The following LYRM7 variants were observed in gnomAD, a reference collection of about 807,000 sequenced individuals.
LYRM7 encodes the protein LYR motif containing 7, also known as complex III assembly factor LYRM7.
A neutral mutation model predicts 15.8 loss-of-function variants in LYRM7; 9 were observed. The observed-to-expected ratio is 0.57, with a 90% confidence interval of 0.34 to 0.99. LYRM7 has a LOEUF of 0.99. Ranked by LOEUF, LYRM7 falls within the 50% of genes least tolerant of loss-of-function variation. The pLI, the probability that LYRM7 is intolerant of heterozygous loss-of-function variation, is 0.02. For missense variants in LYRM7, 115 were observed against 119.1 expected (o/e 0.97, Z 0.16); for synonymous variants, 39 against 39.4 (o/e 0.99, Z 0.04).
rs12656976 is a variant in LYRM7, at chr5:131,181,373, G to A, written c.92-856G>A. Reference sequence around the variant, plus strand: ...GTTATATATATATTAACATATATATGTATATATAATATATACATATATATT... The same window carrying A: ...GTTATATATATATTAACATATATATATATATATAATATATACATATATATT... On this transcript the variant is annotated intron_variant, in intron 2 of 4. Coordinates refer to ENST00000379380, the MANE Select transcript of LYRM7 (RefSeq NM_181705.4). 7.6e-3 allele frequency among the ~76,000 whole-genome samples: 611 copies of A among 80,048 alleles called. 5 individuals are homozygous for A. Among genetic ancestry groups the A allele is most frequent in the Non-Finnish European group, 0.011 (521 of 47,614 alleles). 52.5% of individuals were successfully genotyped at this position (80,048 alleles called of 152,430 possible).
Position 131,205,305 on chromosome 5 carries a change from T to A in LYRM7, c.*5704T>A, listed in dbSNP as rs1038123274. The A allele has an allele frequency of 1.3e-5, 2 of 152,248 alleles. No homozygotes were observed. The highest frequency in any genetic ancestry group is 6.5e-5 in the Admixed American group (1 of 15,286). 9.4% of individuals were successfully genotyped at this position (152,248 alleles called of 1,614,324 possible). On this transcript the variant is annotated 3_prime_UTR_variant, in exon 5 of 5. Transcript: ENST00000379380. ...TGTAAATGAATGGCGTTATGCTCCA[T>A]GTATTCTGCAACTTTTCATCATACA...
Position 131,201,432 on chromosome 5 carries a change from C to T in LYRM7, c.*1831C>T, listed in dbSNP as rs561851442. The T allele has an allele frequency of 2.4e-3, 363 of 151,548 alleles. No homozygotes were observed. Among genetic ancestry groups the T allele is most frequent in the Non-Finnish European group, 4.2e-3 (284 of 68,008 alleles). The allele number at this position is 151,548 out of a possible 1,614,324, so 9.4% of individuals were successfully genotyped here. On this transcript the variant is annotated 3_prime_UTR_variant, in exon 5 of 5. Transcript: ENST00000379380. The stretch of plus-strand genomic sequence containing the variant: ...CTACACAATAAAGTTCCTGAAAGTT[C>T]CTGGCTGGGCGCAGTGGCTCACGCC...
At chr5:131,197,329 A>G (rs1349341311) in intron 4 of LYRM7, among the ~76,000 whole-genome samples, 1 of 152,246 alleles carries the variant, frequency 6.6e-6, no homozygotes, top group Non-Finnish European at 1.5e-5. Context: ...ACTACAATTT[A>G]TTCTCTGATG....
intron 3 of LYRM7, among the ~76,000 whole-genome samples, chr5:131,184,648 G>C (rs1003182041): frequency 5.7e-4 from 85 of 150,122 alleles, no homozygotes; most frequent in Non-Finnish European, 9.3e-4. Flanking sequence ...GGCGGGGGGG[G>C]GGTTCCAGGA....
chr5:131,181,417 T>TATATATATAAAACATATG, intron 2 of LYRM7, among the ~76,000 whole-genome samples: 1 of 106,190 alleles, frequency 9.4e-6, no homozygotes, highest in African/African-American at 5.3e-5. Flanking sequence ...ATATATATGT[T>TATATATATAAAACATATG]TATATATATA....
chr5:131,191,163 G>GTA (rs533210049), intron 4 of LYRM7, among the ~76,000 whole-genome samples: 2 of 151,226 alleles, frequency 1.3e-5, no homozygotes, highest in South Asian at 2.1e-4. Context: ...GTGTGTGTGT[G>GTA]TATATATATG....
At chr5:131,187,666 A>C (rs1580697264) in intron 4 of LYRM7, among the ~76,000 whole-genome samples, 2 of 151,860 alleles carry the variant, frequency 1.3e-5, no homozygotes, top group East Asian at 3.9e-4. Flanking sequence ...TTGTATTTTT[A>C]ATAGAAACAG....
intron 1 of LYRM7, among the ~76,000 whole-genome samples, chr5:131,171,391 A>G (rs1389966585): frequency 6.6e-6 from 1 of 152,180 alleles, no homozygotes; most frequent in African/African-American, 2.4e-5. Context: ...GGAGACGCCA[A>G]AGGCTGACCT....
At chr5:131,197,870 G>A (rs1306065434) in intron 4 of LYRM7, among the ~76,000 whole-genome samples, 1 of 138,208 alleles carries the variant, frequency 7.2e-6, no homozygotes, top group African/African-American at 3.1e-5. Flanking sequence ...GTGTGTGTGT[G>A]TGTGTGTGTG....
chr5:131,194,000 A>T (rs1395202189), intron 4 of LYRM7, among the ~76,000 whole-genome samples: 1 of 151,448 alleles, frequency 6.6e-6, no homozygotes, highest in African/African-American at 2.4e-5. Flanking sequence ...CAAGAGCAAA[A>T]CTCCGTCTCA....
chr5:131,181,450 ATAAAACATATATATG>A (rs1755709826), intron 2 of LYRM7, among the ~76,000 whole-genome samples: 1 of 127,986 alleles, frequency 7.8e-6, no homozygotes, highest in South Asian at 2.2e-4. Context: ...GTATATATAT[ATAAAACATATATATG>A]TATATATATA....
chr5:131,191,525 T>C (rs898142285), intron 4 of LYRM7, among the ~76,000 whole-genome samples: 2 of 152,190 alleles, frequency 1.3e-5, no homozygotes, highest in African/African-American at 4.8e-5. Flanking sequence ...GAAATTAAAT[T>C]TTGAATCCCA....
Position 131,182,305 on chromosome 5 carries a change from G to A in LYRM7, c.162+6G>A, listed in dbSNP as rs1187491779. 1 of 1,385,838 alleles carries A rather than the reference G, an allele frequency of 7.2e-7. No homozygotes were observed. Among genetic ancestry groups the A allele is most frequent in the East Asian group, 2.7e-5 (1 of 37,530 alleles). 85.8% of individuals were successfully genotyped at this position (1,385,838 alleles called of 1,614,324 possible). On this transcript the variant is annotated splice_donor_region_variant and intron_variant, in intron 3 of 4. Transcript: ENST00000379380. ...CTTCTAAGAAAATAGAAGAGGTACA[G>A]TAATTTTTTCAATTATAGTAAAACT... is the stretch of plus-strand genomic sequence containing the variant.
At chr5:131,191,586 A>G (rs2149664604) in intron 4 of LYRM7, among the ~76,000 whole-genome samples, 1 of 152,258 alleles carries the variant, frequency 6.6e-6, no homozygotes, top group East Asian at 1.9e-4. Context: ...TTTTTTAAAA[A>G]TCACTTCCAG....
intron 3 of LYRM7, among the ~76,000 whole-genome samples, chr5:131,184,640 C>CGGCG (rs1554090136): frequency 5.9e-4 from 75 of 127,478 alleles, no homozygotes; most frequent in African/African-American, 2.7e-3. Context: ...TTTTTTTTGG[C>CGGCG]GGGGGGGGGG....
chr5:131,201,409 A>C lies in LYRM7; in HGVS notation c.*1808A>C, dbSNP rs1380544470. ...TATTGTACTTTCATGCCATAAGACT[A>C]CACAATAAAGTTCCTGAAAGTTCCT... is the stretch of plus-strand genomic sequence containing the variant. On this transcript the variant is annotated 3_prime_UTR_variant, in exon 5 of 5. Coordinates refer to ENST00000379380, the MANE Select transcript of LYRM7 (RefSeq NM_181705.4). The C allele has an allele frequency of 6.6e-6, 1 of 151,944 alleles. No individual in the cohort carries two copies. Among genetic ancestry groups the C allele is most frequent in the Non-Finnish European group, 1.5e-5 (1 of 68,042 alleles). 9.4% of individuals were successfully genotyped at this position (151,944 alleles called of 1,614,324 possible). A position where few individuals can be genotyped will look rare whatever the true frequency, so the allele number is the denominator to read the frequency against.
chr5:131,175,059 C>T lies in LYRM7; in HGVS notation c.18+4021C>T, dbSNP rs572639365. On this transcript the variant is annotated intron_variant, in intron 1 of 4. Transcript: ENST00000379380. ...ATCTCAACAGTGGGCTTAAAATATCCGCGAACCATGCTTTAAACAGATGCA... is the reference window on the plus strand; with the variant it reads ...ATCTCAACAGTGGGCTTAAAATATCTGCGAACCATGCTTTAAACAGATGCA... 1.1e-3 allele frequency among the ~76,000 whole-genome samples: 166 copies of T among 152,088 alleles called. 1 individual carries two copies. The highest frequency in any genetic ancestry group is 3.8e-3 in the African/African-American group (157 of 41,496).
At chr5:131,183,076 G>C (rs1755738680) in intron 3 of LYRM7, among the ~76,000 whole-genome samples, 1 of 151,852 alleles carries the variant, frequency 6.6e-6, no homozygotes, top group Admixed American at 6.6e-5. Context: ...TTTAAAGGAA[G>C]GTACAAACTA....
At chr5:131,198,583 G>A (rs541187286) in intron 4 of LYRM7, among the ~76,000 whole-genome samples, 2 of 151,324 alleles carry the variant, frequency 1.3e-5, no homozygotes, top group Admixed American at 1.3e-4. Flanking sequence ...TTTTTTTTGA[G>A]GTGGACTGCC....
Sources: gnomAD v4.1 joint callset for allele counts (sites outside exome capture counted in the v4.1 genomes callset) on GRCh38, gnomAD v4.1.1 for gene constraint, MANE v1.5 for transcripts, NCBI Gene and HGNC (gene_info 2026-07-23, HGNC 2026-07-21) for gene names.